The following DENND1A variants were observed in gnomAD, a reference collection of about 807,000 sequenced individuals.
The protein encoded by DENND1A is DENN domain-containing protein 1A.
Under a neutral mutation model 113.7 loss-of-function variants are expected in DENND1A, and 51 were observed. The ratio of observed to expected loss-of-function variants is 0.45; its 90% CI spans 0.36 to 0.57. The LOEUF is 0.57. Among genes scored for constraint, DENND1A ranks in the 20% least tolerant of loss-of-function variants. The pLI, the probability that DENND1A is intolerant of heterozygous loss-of-function variation, is 0.00. For missense variants in DENND1A, 1,258 were observed against 1,395.9 expected (o/e 0.90, Z 1.57); for synonymous variants, 565 against 570.8 (o/e 0.99, Z 0.14).
intron 10 of DENND1A, among the ~76,000 whole-genome samples, chr9:123,620,107 G>A (rs1473768075): frequency 6.6e-6 from 1 of 150,860 alleles, no homozygotes; most frequent in Non-Finnish European, 1.5e-5. Context: ...TCAGCTACTT[G>A]GGAGGCTGAG....
At chr9:123,595,616 G>A (rs1233983166) in intron 11 of DENND1A, among the ~76,000 whole-genome samples, 3 of 152,242 alleles carry the variant, frequency 2.0e-5, no homozygotes, top group African/African-American at 7.2e-5. Flanking sequence ...CTCCAGGCTG[G>A]GGTCCTGGCC....
At chr9:123,545,810 T>TA (rs1430425129) in intron 13 of DENND1A, among the ~76,000 whole-genome samples, 5 of 152,262 alleles carry the variant, frequency 3.3e-5, no homozygotes, top group African/African-American at 1.2e-4. Flanking sequence ...TAGCTATGCA[T>TA]ATGAAGTCAC....
intron 10 of DENND1A, among the ~76,000 whole-genome samples, chr9:123,623,365 A>G (rs1391326372): frequency 6.6e-6 from 1 of 152,234 alleles, no homozygotes; most frequent in African/African-American, 2.4e-5. Context: ...TCTAATTGCT[A>G]TAGCCACTTT....
At chr9:123,889,580 T>C (rs1041244951) in intron 1 of DENND1A, among the ~76,000 whole-genome samples, 19 of 152,088 alleles carry the variant, frequency 1.2e-4, no homozygotes, top group African/African-American at 4.3e-4. Context: ...GAACAAGGGA[T>C]GGATTGTGCA....
chr9:123,379,754 G>A lies in DENND1A; in HGVS notation c.*1678C>T, dbSNP rs947750577. ...AGGCAGCAGTGCTCATGTGAACATG[G>A]AGCGCTCACCCCAGCCCCTCAGCAC... On this transcript the variant is annotated 3_prime_UTR_variant, in exon 24 of 24. Transcript: ENST00000394215. The A allele has an allele frequency of 1.2e-4, 18 of 152,302 alleles. No individual in the cohort carries two copies. The highest frequency in any genetic ancestry group is 4.1e-4 in the African/African-American group (17 of 41,462). 9.4% of individuals were successfully genotyped at this position (152,302 alleles called of 1,614,324 possible).
intron 8 of DENND1A, among the ~76,000 whole-genome samples, chr9:123,661,350 A>G (rs1312877634): frequency 6.6e-6 from 1 of 152,224 alleles, no homozygotes; most frequent in Non-Finnish European, 1.5e-5. Flanking sequence ...AGGACGGGCA[A>G]TAAAGCCTTT....
intron 18 of DENND1A, among the ~76,000 whole-genome samples, chr9:123,447,838 C>CA (rs1440110160): frequency 6.6e-6 from 1 of 151,284 alleles, no homozygotes; most frequent in African/African-American, 2.4e-5. Context: ...TGTGAGAGGT[C>CA]AGGTGCAGCC....
rs182862824 is a variant in DENND1A, at chr9:123,799,571, G to A, written c.89-6941C>T. Among the ~76,000 whole-genome samples, 502 of 152,260 alleles carry A rather than the reference G, an allele frequency of 3.3e-3. 3 individuals carry two copies. The highest frequency in any genetic ancestry group is 5.8e-3 in the Non-Finnish European group (396 of 68,014). ...TTCCACGAAGAAGTAGTAGAGCCAGGGGTAGAGTCCAGGACTAGATCAGGG... is the reference window on the plus strand; with the variant it reads ...TTCCACGAAGAAGTAGTAGAGCCAGAGGTAGAGTCCAGGACTAGATCAGGG... On this transcript the variant is annotated intron_variant, in intron 2 of 23. Transcript: ENST00000394215.
chr9:123,399,182 G>A (rs560794113), intron 21 of DENND1A, among the ~76,000 whole-genome samples: 1 of 152,236 alleles, frequency 6.6e-6, no homozygotes, highest in Admixed American at 6.5e-5. Context: ...AGAAGCACGT[G>A]AGGATAATTA....
At chr9:123,665,435 A>G (rs1283455238) in intron 8 of DENND1A, among the ~76,000 whole-genome samples, 1 of 152,188 alleles carries the variant, frequency 6.6e-6, no homozygotes, top group Non-Finnish European at 1.5e-5. Flanking sequence ...TTAATGTCAA[A>G]AAAAAGGATG....
At chr9:123,469,093 C>G (rs938300381) in intron 13 of DENND1A, among the ~76,000 whole-genome samples, 1 of 152,170 alleles carries the variant, frequency 6.6e-6, no homozygotes, top group African/African-American at 2.4e-5. Flanking sequence ...TGGGTCACTG[C>G]ATGGCTATAG....
chr9:123,568,663 A>G (rs1233764321), intron 12 of DENND1A, among the ~76,000 whole-genome samples: 1 of 152,202 alleles, frequency 6.6e-6, no homozygotes, highest in African/African-American at 2.4e-5. Flanking sequence ...CTCAGCCACA[A>G]TCCTGGGCTG....
chr9:123,551,230 A>C (rs759578191), intron 13 of DENND1A, among the ~76,000 whole-genome samples: 1 of 152,212 alleles, frequency 6.6e-6, no homozygotes, highest in Non-Finnish European at 1.5e-5. Context: ...CCCCTCTATC[A>C]GGAAGCAGCA....
chr9:123,755,460 T>A (rs985271803), intron 5 of DENND1A, among the ~76,000 whole-genome samples: 1 of 150,678 alleles, frequency 6.6e-6, no homozygotes, highest in African/African-American at 2.4e-5. Context: ...TGGATTTTTT[T>A]AAAGTAAAAG....
At chr9:123,593,810 G>T (rs1037814179) in intron 11 of DENND1A, among the ~76,000 whole-genome samples, 1 of 152,106 alleles carries the variant, frequency 6.6e-6, no homozygotes, top group Admixed American at 6.5e-5. Flanking sequence ...CAGATCTCAC[G>T]CCCTCTTGTA....
At position 123,623,789 on chromosome 9, in the gene DENND1A, C is replaced by T. The variant is rs1052164402; in HGVS notation, c.719+6587G>A. Among the ~76,000 whole-genome samples the T allele has an allele frequency of 3.3e-5, 5 of 152,360 alleles. No homozygotes were observed. The South Asian group carries it at 8.3e-4, about 25-fold the overall frequency. ...CTTTGCTGTCATGGCCTCTGGTCCA[C>T]AGAAAGCTGCAATACAGCTTCTGGG... On this transcript the variant is annotated intron_variant, in intron 10 of 23. Coordinates refer to ENST00000394215, the MANE Select transcript of DENND1A (RefSeq NM_001352964.2).
At chr9:123,822,740 T>C (rs1286508838) in intron 2 of DENND1A, among the ~76,000 whole-genome samples, 2 of 152,248 alleles carry the variant, frequency 1.3e-5, no homozygotes, top group Non-Finnish European at 2.9e-5. Context: ...CAGAAAACTA[T>C]ACCTGTCCTT....
At chr9:123,841,581 A>G (rs1841845203) in intron 2 of DENND1A, among the ~76,000 whole-genome samples, 1 of 152,204 alleles carries the variant, frequency 6.6e-6, no homozygotes, top group South Asian at 2.1e-4. Context: ...CAAGTAATGT[A>G]ACTATAAGCT....
chr9:123,561,533 A>T (rs2057755908), intron 12 of DENND1A, among the ~76,000 whole-genome samples: 1 of 152,208 alleles, frequency 6.6e-6, no homozygotes, highest in Non-Finnish European at 1.5e-5. Flanking sequence ...CTTTAAATAA[A>T]AGTAAGGGAA....
Sources: gnomAD v4.1 joint callset for allele counts (sites outside exome capture counted in the v4.1 genomes callset) on GRCh38, gnomAD v4.1.1 for gene constraint, MANE v1.5 for transcripts, NCBI Gene and HGNC (gene_info 2026-07-23, HGNC 2026-07-21) for gene names.